STIM1: variants seen among roughly 807,000 people sequenced by gnomAD.
The protein encoded by STIM1 is stromal interaction molecule 1.
STIM1 carries 25 observed loss-of-function variants against 74.7 expected under a neutral mutation model. The observed-to-expected ratio is 0.33, with a 90% confidence interval of 0.24 to 0.47. The LOEUF is 0.47. STIM1 is among the 20% of genes least tolerant of loss of function. The pLI is 1.00. For synonymous variants in STIM1, 328 were observed against 348.8 expected (o/e 0.94, Z 0.66); for missense variants, 728 against 920.8 (o/e 0.79, Z 2.71).
intron 2 of STIM1, among the ~76,000 whole-genome samples, chr11:3,992,084 TTTTTG>T (rs2093620223): frequency 1.5e-5 from 2 of 136,494 alleles, no homozygotes; most frequent in African/African-American, 2.9e-5. Context: ...AACATCTGTT[TTTTTG>T]TTTTTTTTTT....
At chr11:4,052,955 A>G (rs2094256005) in intron 3 of STIM1, among the ~76,000 whole-genome samples, 1 of 152,254 alleles carries the variant, frequency 6.6e-6, no homozygotes, top group Admixed American at 6.5e-5. Flanking sequence ...GAAGACATTT[A>G]TGCAGCCAAC....
At chr11:3,997,568 T>C (rs1456273132) in intron 2 of STIM1, among the ~76,000 whole-genome samples, 1 of 152,166 alleles carries the variant, frequency 6.6e-6, no homozygotes. Flanking sequence ...CTTTCCCATG[T>C]TATAGTCACT....
intron 2 of STIM1, among the ~76,000 whole-genome samples, chr11:4,014,520 T>C (rs183221096): frequency 2.7e-4 from 41 of 152,370 alleles, no homozygotes; most frequent in Non-Finnish European, 4.7e-4. Context: ...GAAGAATGTA[T>C]AGTCTGTTGA....
chr11:4,070,375 A>G (rs1415357687), intron 6 of STIM1, among the ~76,000 whole-genome samples, 172 bp downstream of exon 6: 3 of 152,146 alleles, frequency 2.0e-5, no homozygotes, highest in Non-Finnish European at 4.4e-5. Context: ...TCCAATTGCT[A>G]TTGGGCAGTT....
chr11:4,074,738 G>C (rs2094427555), intron 7 of STIM1, 59 bp downstream of exon 7: 1 of 1,533,220 alleles, frequency 6.5e-7, no homozygotes, highest in Non-Finnish European at 8.8e-7. Context: ...CAGGGGCCCA[G>C]GGTCTGGCTA....
At chr11:3,931,331 G>A (rs2092857126) in intron 1 of STIM1, among the ~76,000 whole-genome samples, 1 of 152,118 alleles carries the variant, frequency 6.6e-6, no homozygotes, top group Non-Finnish European at 1.5e-5. Context: ...TACAACTGCT[G>A]GGTTATATCA....
At chr11:3,922,190 C>T (rs192928385) in intron 1 of STIM1, among the ~76,000 whole-genome samples, 2 of 151,950 alleles carry the variant, frequency 1.3e-5, no homozygotes, top group East Asian at 1.9e-4. Context: ...TAGTATTTCC[C>T]TTTTTTATTT....
At chr11:4,026,675 C>T (rs1032254919) in intron 3 of STIM1, among the ~76,000 whole-genome samples, 1 of 152,100 alleles carries the variant, frequency 6.6e-6, no homozygotes, top group African/African-American at 2.4e-5. Flanking sequence ...TTCAAGAAAG[C>T]CCTATACTTA....
chr11:4,074,629 ACTGAGAATGAG>A lies in STIM1; in HGVS notation c.921_931del (p.Asn309ProfsTer6). The A allele has an allele frequency of 6.2e-7, 1 of 1,601,794 alleles. No individual in the cohort carries two copies. The highest frequency in any genetic ancestry group is 8.5e-7 in the Non-Finnish European group (1 of 1,173,806). On this transcript the variant is annotated frameshift_variant, in exon 7 of 13. Transcript: ENST00000526596. LOFTEE classifies it high-confidence loss of function. Reference sequence around the variant, plus strand: ...GCGGCTGAAGGAGCTGCGGGAGGGTACTGAGAATGAGCGGAGCCGCCAAAAATATGCTGAGG... The same window carrying A: ...GCGGCTGAAGGAGCTGCGGGAGGGTACGGAGCCGCCAAAAATATGCTGAGG...
intron 1 of STIM1, among the ~76,000 whole-genome samples, chr11:3,905,654 G>A (rs1197584281): frequency 6.6e-6 from 1 of 152,194 alleles, no homozygotes; most frequent in Non-Finnish European, 1.5e-5. Flanking sequence ...CATCTCTGAT[G>A]CTCACCACAG....
chr11:3,911,519 G>A (rs1185663582), intron 1 of STIM1, among the ~76,000 whole-genome samples: 4 of 152,004 alleles, frequency 2.6e-5, no homozygotes, highest in Admixed American at 6.6e-5. Context: ...TGAGTAGCTC[G>A]GACTACAGGC....
intron 1 of STIM1, among the ~76,000 whole-genome samples, chr11:3,894,905 A>T (rs1302464773): frequency 2.6e-5 from 3 of 113,232 alleles, no homozygotes; most frequent in Admixed American, 9.6e-5. Context: ...CGCCTGGCTA[A>T]TTTTTTTTTT....
intron 6 of STIM1, among the ~76,000 whole-genome samples, chr11:4,071,576 T>G (rs1241258248): frequency 6.6e-6 from 1 of 152,150 alleles, no homozygotes; most frequent in African/African-American, 2.4e-5. Context: ...ACTCCTGGAC[T>G]CAAGAGGTCT....
chr11:3,960,116 A>C (rs771218171), intron 1 of STIM1, among the ~76,000 whole-genome samples: 224 of 152,332 alleles, frequency 1.5e-3, no homozygotes, highest in Non-Finnish European at 2.6e-3. Flanking sequence ...GGTTATCTCA[A>C]GGAAAGCACT....
intron 2 of STIM1, among the ~76,000 whole-genome samples, chr11:3,971,230 T>TG (rs2093389987): frequency 8.2e-6 from 1 of 121,278 alleles, no homozygotes; most frequent in Non-Finnish European, 1.7e-5. Context: ...TAAACAAGTA[T>TG]GAAAAAAAAA....
At chr11:4,086,242 C>T (rs140011718) in intron 11 of STIM1, 2 of 584,566 alleles carry the variant, frequency 3.4e-6, no homozygotes, top group Non-Finnish European at 6.1e-6. Context: ...GTGATATTGC[C>T]CATAGGTCTC....
chr11:3,927,549 C>T (rs908404153), intron 1 of STIM1, among the ~76,000 whole-genome samples: 7 of 152,208 alleles, frequency 4.6e-5, no homozygotes, highest in African/African-American at 1.7e-4. Flanking sequence ...GCCCTAGGCT[C>T]TTTTGGTCTT....
rs1042398073 is a variant in STIM1 at position 4,084,712 on chromosome 11, C to G, written c.1514C>G (p.Ser505Cys). ...WLMGRRFSDR[S>C]LCSTSAGSDD... ...ATGGGGCGTAGGTTCAGTGACCGCT[C>G]TCTCTGCTCTACATCCGCCGGCTCG... The change falls in exon 11 of 13, where the codon TCT (serine) becomes TGT (cysteine). Residue 505 changes from serine to cysteine, a missense_variant. By Grantham distance (112) the Ser-to-Cys change is moderately radical. Coordinates refer to ENST00000526596, the MANE Select transcript of STIM1 (RefSeq NM_001382567.1). 16 of 1,289,318 alleles carry G rather than the reference C, an allele frequency of 1.2e-5. No homozygotes were observed. Among genetic ancestry groups the G allele is most frequent in the African/African-American group, 1.5e-5 (1 of 65,870 alleles). 79.9% of individuals were successfully genotyped at this position (1,289,318 alleles called of 1,614,324 possible).
intron 1 of STIM1, among the ~76,000 whole-genome samples, chr11:3,883,018 T>C (rs2091573830): frequency 6.6e-6 from 1 of 151,816 alleles, no homozygotes; most frequent in Admixed American, 6.6e-5. Flanking sequence ...CTAAGTTGTT[T>C]GTTTTTTTGT....
Sources: gnomAD v4.1 joint callset for allele counts (sites outside exome capture counted in the v4.1 genomes callset) on GRCh38, gnomAD v4.1.1 for gene constraint, MANE v1.5 for transcripts, NCBI Gene and HGNC (gene_info 2026-07-23, HGNC 2026-07-21) for gene names.